Variants in MGRN1 observed in about 807,000 individuals in gnomAD.
MGRN1 encodes E3 ubiquitin-protein ligase MGRN1.
Under a neutral mutation model 69.2 loss-of-function variants are expected in MGRN1, and 29 were observed. The ratio of observed to expected loss-of-function variants is 0.42; its 90% CI spans 0.31 to 0.57. The LOEUF is 0.57. Among genes scored for constraint, MGRN1 ranks in the 20% least tolerant of loss-of-function variants. The pLI is 0.15. For synonymous variants in MGRN1, 470 were observed against 344.2 expected, an observed-to-expected ratio of 1.37 and a Z score of -4.04; for missense variants, 998 against 796.2, an observed-to-expected ratio of 1.25 and a Z score of -3.05.
intron 16 of MGRN1, among the ~76,000 whole-genome samples, chr16:4,684,799 C>T (rs1211465557): frequency 1.3e-5 from 2 of 152,244 alleles, no homozygotes; most frequent in Admixed American, 6.5e-5. Flanking sequence ...TAAACAGCCA[C>T]GGTGCTTTCA....
Position 4,686,478 on chromosome 16 carries a change from C to T in MGRN1, c.1619-2318C>T, listed in dbSNP as rs551369131. The stretch of plus-strand genomic sequence containing the variant: ...AGCTCTCCAGTGGCTGCTGCACCTT[C>T]CCCCAGAAAGTGGCCTCCTGGGGGG... On this transcript the variant is annotated intron_variant, in intron 16 of 16. Coordinates refer to ENST00000262370, the MANE Select transcript of MGRN1 (RefSeq NM_015246.4). 2.6e-5 allele frequency: 36 copies of T among 1,388,780 alleles called. No homozygotes were observed. In the African/African-American group the frequency reaches 2.9e-4, roughly 11 times the overall value. The allele number at this position is 1,388,780 out of a possible 1,614,324, so 86.0% of individuals were successfully genotyped here.
intron 16 of MGRN1, chr16:4,688,121 G>C: frequency 1.0e-6 from 1 of 985,622 alleles, no homozygotes; most frequent in Admixed American, 6.1e-5. Context: ...GTGGGGCCTG[G>C]GCCGTGTCTG....
intron 5 of MGRN1, among the ~76,000 whole-genome samples, chr16:4,659,552 C>G (rs1465198686): frequency 6.6e-6 from 1 of 152,226 alleles, no homozygotes; most frequent in African/African-American, 2.4e-5. Context: ...GTCCTTACCT[C>G]TGTCCCGGAC....
At chr16:4,686,416 T>G in intron 16 of MGRN1, 1 of 1,453,932 alleles carries the variant, frequency 6.9e-7, no homozygotes, top group Non-Finnish European at 9.0e-7. Flanking sequence ...TTCGTCCGCA[T>G]CCGCATCTTC....
chr16:4,640,211 T>C (rs1487742571), intron 1 of MGRN1: 1 of 152,272 alleles, frequency 6.6e-6, no homozygotes, highest in Non-Finnish European at 1.5e-5. Flanking sequence ...CTTGGCTCAC[T>C]CTGTGGCCTG....
chr16:4,683,689 G>C (rs1485518156), intron 15 of MGRN1, among the ~76,000 whole-genome samples, 154 bp from the exon 16 acceptor site: 1 of 152,214 alleles, frequency 6.6e-6, no homozygotes, highest in African/African-American at 2.4e-5. Flanking sequence ...CTGGAGAGCA[G>C]GTGGGGTCAC....
At position 4,668,925 on chromosome 16, in the gene MGRN1, TAC is replaced by T. The variant is rs199799667; in HGVS notation, c.726+619_726+620del. On this transcript the variant is annotated intron_variant, in intron 8 of 16. Transcript: ENST00000262370. Reference sequence around the variant, plus strand: ...ACTCGCACACATATACAGACATACATACACACAATCACTTGCACACATATACA... The same window carrying T: ...ACTCGCACACATATACAGACATACATACACAATCACTTGCACACATATACA... Among the ~76,000 whole-genome samples the T allele has an allele frequency of 3.2e-3, 485 of 151,742 alleles. 1 individual carries two copies. The highest frequency in any genetic ancestry group is 0.011 in the African/African-American group (460 of 41,288).
chr16:4,657,261 C>T lies in MGRN1; in HGVS notation c.459C>T (p.Ser153=), dbSNP rs1466506472. 6.2e-7 allele frequency: 1 copy of T among 1,613,842 alleles called. No homozygotes were observed. Among genetic ancestry groups the T allele is most frequent in the Admixed American group, 1.7e-5 (1 of 59,984 alleles). ...LNGRAVYSPK[S]PSLQSETVHY... Reference sequence around the variant, plus strand: ...CTCCCTGCAGATACAGCCCCAAGAGCCCCTCGCTACAGTCCGAGACCGTCC... The same window carrying T: ...CTCCCTGCAGATACAGCCCCAAGAGTCCCTCGCTACAGTCCGAGACCGTCC... Residue 153 remains serine, a synonymous_variant, in exon 5 of 17, where the codon AGC becomes AGT. Coordinates refer to ENST00000262370, the MANE Select transcript of MGRN1 (RefSeq NM_015246.4).
chr16:4,685,376 A>T (rs1256707490), intron 16 of MGRN1, among the ~76,000 whole-genome samples: 1 of 152,198 alleles, frequency 6.6e-6, no homozygotes, highest in African/African-American at 2.4e-5. Flanking sequence ...CACACAGAGG[A>T]GGCCAGGACT....
chr16:4,635,801 ATTTTTTTT>A (rs34343082), intron 1 of MGRN1, among the ~76,000 whole-genome samples: 4 of 125,696 alleles, frequency 3.2e-5, no homozygotes, highest in Non-Finnish European at 3.3e-5. Flanking sequence ...CGCCCAGCTA[ATTTTTTTT>A]TTTTTTTTTT....
At chr16:4,643,259 C>A (rs189622510) in intron 1 of MGRN1, among the ~76,000 whole-genome samples, 1 of 152,170 alleles carries the variant, frequency 6.6e-6, no homozygotes, top group East Asian at 1.9e-4. Flanking sequence ...TGAGCCTGGA[C>A]TAATTTTTGT....
intron 11 of MGRN1, among the ~76,000 whole-genome samples, chr16:4,678,294 T>C (rs2079098471): frequency 6.7e-6 from 1 of 148,350 alleles, no homozygotes; most frequent in East Asian, 2.0e-4. Context: ...ACAAGGGAGG[T>C]GGAACCCTGG....
chr16:4,628,406 AGGG>A (rs1402475516), intron 1 of MGRN1, among the ~76,000 whole-genome samples: 1 of 145,834 alleles, frequency 6.9e-6, no homozygotes, highest in Non-Finnish European at 1.5e-5. Flanking sequence ...AAAAAAAAGG[AGGG>A]GACATTGAAG....
chr16:4,634,268 C>G (rs1684598), intron 1 of MGRN1: 26,630 of 152,468 alleles, frequency 0.17, 2,503 homozygotes, highest in Middle Eastern at 0.31. Context: ...CAGGGAGGGA[C>G]AGGCCCTGGC....
At chr16:4,658,273 T>A (rs192764498) in intron 5 of MGRN1, among the ~76,000 whole-genome samples, 4 of 151,142 alleles carry the variant, frequency 2.6e-5, no homozygotes, top group Non-Finnish European at 5.9e-5. Context: ...CGGTGGCTCA[T>A]GCCTGTAATC....
At chr16:4,667,660 G>A (rs2078834805) in intron 7 of MGRN1, among the ~76,000 whole-genome samples, 1 of 152,222 alleles carries the variant, frequency 6.6e-6, no homozygotes, top group South Asian at 2.1e-4. Flanking sequence ...TGACTGAGAA[G>A]GGATAATGAG....
At chr16:4,659,210 C>T (rs191379384) in intron 5 of MGRN1, 64 of 152,254 alleles carry the variant, frequency 4.2e-4, no homozygotes, top group African/African-American at 1.5e-3. Context: ...AAACGTCTCC[C>T]CAGACTCCCT....
At chr16:4,648,887 C>T (rs903773541) in intron 1 of MGRN1, among the ~76,000 whole-genome samples, 8 of 150,276 alleles carry the variant, frequency 5.3e-5, no homozygotes, top group Non-Finnish European at 8.9e-5. Flanking sequence ...GGACTCTTCC[C>T]GTGGTCACCC....
chr16:4,668,273 C>A lies in MGRN1; in HGVS notation c.687C>A (p.Asp229Glu), dbSNP rs558840883. The A allele has an allele frequency of 6.2e-7, 1 of 1,614,048 alleles. No homozygotes were observed. The highest frequency in any genetic ancestry group is 8.5e-7 in the Non-Finnish European group (1 of 1,179,964). Residue 229 changes from aspartate to glutamate, a missense_variant, in exon 8 of 17, where the codon GAC becomes GAA. By Grantham distance (45) the Asp-to-Glu change is conservative. Transcript: ENST00000262370. Reference protein sequence around the residue: ...VLLAAFEKHMDGSFSVKPLKQ... With the variant: ...VLLAAFEKHMEGSFSVKPLKQ... ...GTCTTTCTCCCCTGCAGCACATGGA[C>A]GGCAGCTTCTCTGTGAAGCCTTTAA...
Sources: allele counts gnomAD v4.1 joint callset (sites outside exome capture counted in the v4.1 genomes callset), GRCh38; gene constraint gnomAD v4.1.1; transcripts MANE v1.5; gene names NCBI Gene and HGNC (gene_info 2026-07-23, HGNC 2026-07-21).